Variants in TENT4B observed in about 807,000 individuals in gnomAD.
The protein encoded by TENT4B is PAP associated domain containing 5.
Under a neutral mutation model 75.0 loss-of-function variants are expected in TENT4B, and 10 were observed. The ratio of observed to expected loss-of-function variants is 0.13; its 90% CI spans 0.08 to 0.23. TENT4B has a LOEUF of 0.23. TENT4B is among the 10% of genes least tolerant of loss of function. The pLI, the probability that TENT4B is intolerant of heterozygous loss-of-function variation, is 1.00. For synonymous variants in TENT4B, 350 were observed against 357.7 expected, an observed-to-expected ratio of 0.98 and a Z score of 0.24; for missense variants, 579 against 893.8, an observed-to-expected ratio of 0.65 and a Z score of 4.49.
intron 1 of TENT4B, among the ~76,000 whole-genome samples, chr16:50,197,969 C>T (rs1448064248): frequency 6.6e-6 from 1 of 152,114 alleles, no homozygotes; most frequent in Non-Finnish European, 1.5e-5. Context: ...CACATTAAAT[C>T]CGTAACAAGA....
In TENT4B at chr16:50,168,587, T is replaced by A. The variant is rs563344067; in HGVS notation, c.638+14328T>A. ...CCTTGGCCTCCCAAAGTGCTGGGAT[T>A]ACAGTTGTGAGCCACCGTGCCTGGA... On this transcript the variant is annotated intron_variant, in intron 1 of 11. Coordinates refer to ENST00000561678, the MANE Select transcript of TENT4B (RefSeq NM_001365324.3). Among the ~76,000 whole-genome samples the A allele has an allele frequency of 5.3e-5, 8 of 151,974 alleles. No individual in the cohort carries two copies. In the East Asian group the frequency reaches 9.6e-4, roughly 18 times the overall value.
At chr16:50,158,800 A>G (rs1018430679) in intron 1 of TENT4B, among the ~76,000 whole-genome samples, 2 of 152,146 alleles carry the variant, frequency 1.3e-5, no homozygotes, top group Admixed American at 6.5e-5. Context: ...TTAAGGTACA[A>G]TTTCTTAAAC....
intron 1 of TENT4B, among the ~76,000 whole-genome samples, chr16:50,174,050 T>A (rs779985112): frequency 6.6e-6 from 1 of 152,150 alleles, no homozygotes; most frequent in Non-Finnish European, 1.5e-5. Flanking sequence ...TGTTCTGATC[T>A]TTTGCCCATT....
In TENT4B at chr16:50,190,918, CAG is replaced by C. The variant is rs1323529544; in HGVS notation, c.639-20401_639-20400del. Among the ~76,000 whole-genome samples the C allele has an allele frequency of 2.0e-5, 3 of 152,002 alleles. 1 individual carries two copies. Among genetic ancestry groups the C allele is most frequent in the African/African-American group, 7.3e-5 (3 of 41,286 alleles). ...CCGTTCTACATTTTTATCTTTCTGACAGAGATTTTACTACTCTAGGTACCTCA... is the reference window on the plus strand; with the variant it reads ...CCGTTCTACATTTTTATCTTTCTGACAGATTTTACTACTCTAGGTACCTCA... On this transcript the variant is annotated intron_variant, in intron 1 of 11. Transcript: ENST00000561678.
intron 1 of TENT4B, among the ~76,000 whole-genome samples, chr16:50,169,205 C>T (rs920762718): frequency 6.6e-6 from 1 of 152,062 alleles, no homozygotes; most frequent in African/African-American, 2.4e-5. Flanking sequence ...ATAGATTTCT[C>T]TGCTGTCTCT....
intron 1 of TENT4B, among the ~76,000 whole-genome samples, chr16:50,186,055 TA>T (rs2038520413): frequency 6.6e-6 from 1 of 152,186 alleles, no homozygotes; most frequent in African/African-American, 2.4e-5. Context: ...AAAATATACA[TA>T]AGATAAAATT....
intron 1 of TENT4B, among the ~76,000 whole-genome samples, chr16:50,159,699 A>T (rs892192446): frequency 1.3e-5 from 2 of 152,326 alleles, no homozygotes; most frequent in Non-Finnish European, 2.9e-5. Context: ...TTGCAGATAT[A>T]GCCCACAGTA....
chr16:50,223,541 A>G, intron 7 of TENT4B, 154 bp downstream of exon 7: 1 of 618,242 alleles, frequency 1.6e-6, no homozygotes, highest in Non-Finnish European at 2.8e-6. Flanking sequence ...ACATACTAAA[A>G]TAAACAGACA....
intron 1 of TENT4B, among the ~76,000 whole-genome samples, chr16:50,163,756 A>T (rs1268408060): frequency 1.3e-5 from 2 of 151,626 alleles, no homozygotes; most frequent in African/African-American, 4.8e-5. Context: ...TAGTGTTTTT[A>T]TATATATATA....
At chr16:50,209,345 G>A (rs2031156840) in intron 1 of TENT4B, among the ~76,000 whole-genome samples, 1 of 152,192 alleles carries the variant, frequency 6.6e-6, no homozygotes, top group African/African-American at 2.4e-5. Context: ...CAAAGCATAA[G>A]CTTCCTAACA....
In TENT4B at chr16:50,182,891, CTTTTTTTTTTTTTT is replaced by C. The variant is rs869060811; in HGVS notation, c.639-28414_639-28401del. On this transcript the variant is annotated intron_variant, in intron 1 of 11. Coordinates refer to ENST00000561678, the MANE Select transcript of TENT4B (RefSeq NM_001365324.3). ...CCAAGTACAGCAAGTTTTATTTTACCTTTTTTTTTTTTTTTTTTTTTTTTTTTTTTTGAGTTAGG... is the reference window on the plus strand; with the variant it reads ...CCAAGTACAGCAAGTTTTATTTTACCTTTTTTTTTTTTTTTTTGAGTTAGG... Among the ~76,000 whole-genome samples, 67 of 36,478 alleles carry C rather than the reference CTTTTTTTTTTTTTT, an allele frequency of 1.8e-3. 2 individuals are homozygous for C. The highest frequency in any genetic ancestry group is 0.014 in the South Asian group (7 of 490). The allele number at this position is 36,478 out of a possible 152,430, so 23.9% of individuals were successfully genotyped here.
chr16:50,155,202 A>G (rs2037867715), intron 1 of TENT4B, among the ~76,000 whole-genome samples: 1 of 151,736 alleles, frequency 6.6e-6, no homozygotes, highest in African/African-American at 2.4e-5. Context: ...CTCCCTTCAG[A>G]AGAGTCCCTG....
chr16:50,194,332 C>G (rs1206363120), intron 1 of TENT4B, among the ~76,000 whole-genome samples: 3 of 151,638 alleles, frequency 2.0e-5, no homozygotes, highest in African/African-American at 7.3e-5. Flanking sequence ...TCTCCCATCT[C>G]AGCCTCCTGA....
intron 1 of TENT4B, among the ~76,000 whole-genome samples, chr16:50,167,385 G>GTTTT (rs34758987): frequency 3.2e-4 from 46 of 141,724 alleles, no homozygotes; most frequent in Middle Eastern, 3.8e-3. Flanking sequence ...CATGCTGTGG[G>GTTTT]TTTTTTTTTT....
Position 50,230,427 on chromosome 16 carries a change from T to G in TENT4B, c.*1099T>G, listed in dbSNP as rs2032253818. On this transcript the variant is annotated 3_prime_UTR_variant, in exon 12 of 12. Transcript: ENST00000561678. ...GCTGCGTGTGCCTGTTTCTCATCTC[T>G]TATTCTTTTTAAAATTCATGCTTAA... 1 of 985,854 alleles carries G rather than the reference T, an allele frequency of 1.0e-6. No homozygotes were observed. The highest frequency in any genetic ancestry group is 6.1e-5 in the Admixed American group (1 of 16,288). 61.1% of individuals were successfully genotyped at this position (985,854 alleles called of 1,614,324 possible). A position where few individuals can be genotyped will look rare whatever the true frequency, so the allele number is the denominator to read the frequency against.
At chr16:50,164,013 C>T (rs188824920) in intron 1 of TENT4B, among the ~76,000 whole-genome samples, 120 of 151,776 alleles carry the variant, frequency 7.9e-4, no homozygotes, top group Middle Eastern at 3.4e-3. Context: ...CAAAATTAGC[C>T]GGGCGTGGTG....
chr16:50,161,671 G>A (rs564271605), intron 1 of TENT4B, among the ~76,000 whole-genome samples: 1 of 152,194 alleles, frequency 6.6e-6, no homozygotes, highest in Admixed American at 6.5e-5. Flanking sequence ...AATAATTACA[G>A]ATTTATAGGA....
At chr16:50,216,913 A>G (rs945548132) in intron 4 of TENT4B, among the ~76,000 whole-genome samples, 2 of 152,180 alleles carry the variant, frequency 1.3e-5, no homozygotes, top group Admixed American at 6.5e-5. Context: ...TCATGTAAAT[A>G]ATCCTGTCAG....
In TENT4B at chr16:50,232,006, G is replaced by C. The variant is rs2032310826; in HGVS notation, c.*2678G>C. The stretch of plus-strand genomic sequence containing the variant: ...TCCTTTGCTAATACTTGTTGAATGG[G>C]ATTTTACAAATTCTCCCTCACTCTG... On this transcript the variant is annotated 3_prime_UTR_variant, in exon 12 of 12. Transcript: ENST00000561678. The C allele has an allele frequency of 1.0e-6, 1 of 984,982 alleles. No homozygotes were observed. Among genetic ancestry groups the C allele is most frequent in the Non-Finnish European group, 1.2e-6 (1 of 829,640 alleles). 61.0% of individuals were successfully genotyped at this position (984,982 alleles called of 1,614,324 possible).
Sources: gnomAD v4.1 joint callset for allele counts (sites outside exome capture counted in the v4.1 genomes callset) on GRCh38, gnomAD v4.1.1 for gene constraint, MANE v1.5 for transcripts, NCBI Gene and HGNC (gene_info 2026-07-23, HGNC 2026-07-21) for gene names.